The following NAA15 variants were observed in gnomAD, a reference collection of about 807,000 sequenced individuals.
The protein encoded by NAA15 is N-alpha-acetyltransferase 15, NatA auxiliary subunit, also known as N-terminal acetyltransferase.
In NAA15, 34 loss-of-function variants were observed where a neutral mutation model predicts 114.0. The observed-to-expected ratio is 0.30, with a 90% CI of 0.23 to 0.40. The LOEUF is 0.40. Ranked by LOEUF, NAA15 falls within the 10% of genes least tolerant of loss-of-function variation. The pLI is 1.00. For missense variants in NAA15, 658 were observed against 1,004.5 expected, an observed-to-expected ratio of 0.66 and a Z score of 4.66; for synonymous variants, 340 against 338.0, an observed-to-expected ratio of 1.01 and a Z score of -0.06.
At chr4:139,313,108 G>A (rs1024740723) in intron 1 of NAA15, among the ~76,000 whole-genome samples, 8 of 151,888 alleles carry the variant, frequency 5.3e-5, no homozygotes, top group Non-Finnish European at 1.0e-4. Flanking sequence ...AGTGGCATCT[G>A]TAAGAGTTGT....
At chr4:139,332,596 TTTTTG>T (rs1747057755) in intron 1 of NAA15, among the ~76,000 whole-genome samples, 1 of 139,720 alleles carries the variant, frequency 7.2e-6, no homozygotes, top group African/African-American at 2.7e-5. Flanking sequence ...TTTTTTTTTT[TTTTTG>T]AGACGGAGTC....
chr4:139,334,557 C>T (rs1361536169), intron 2 of NAA15, among the ~76,000 whole-genome samples: 1 of 152,138 alleles, frequency 6.6e-6, no homozygotes, highest in African/African-American at 2.4e-5. Context: ...AAATTGTATG[C>T]TTTATAATCT....
intron 1 of NAA15, chr4:139,302,314 CTT>C (rs1745816247): frequency 6.4e-6 from 1 of 156,122 alleles, no homozygotes; most frequent in Non-Finnish European, 1.4e-5. Flanking sequence ...TTCCTCCTCT[CTT>C]GGGATTCACC....
At chr4:139,304,003 C>T (rs1192471788) in intron 1 of NAA15, among the ~76,000 whole-genome samples, 3 of 152,122 alleles carry the variant, frequency 2.0e-5, no homozygotes, top group African/African-American at 4.8e-5. Flanking sequence ...CTGCAAGCTC[C>T]GCCTCCTGGG....
chr4:139,349,445 T>C lies in NAA15; in HGVS notation c.692-17T>C, dbSNP rs747939543. 20 of 1,529,360 alleles carry C rather than the reference T, an allele frequency of 1.3e-5. No individual in the cohort carries two copies. The highest frequency in any genetic ancestry group is 1.7e-5 in the Non-Finnish European group (20 of 1,144,802). The allele number at this position is 1,529,360 out of a possible 1,614,324, so 94.7% of individuals were successfully genotyped here. The stretch of plus-strand genomic sequence containing the variant: ...TTCTCAGATATTAAAATTTTTTTTT[T>C]TTCTGTTTTTAATCAGGGGAACTTC... On this transcript the variant is annotated splice_polypyrimidine_tract_variant and intron_variant, in intron 6 of 19. Transcript: ENST00000296543.
chr4:139,337,635 G>T (rs1747242010), intron 3 of NAA15, among the ~76,000 whole-genome samples: 1 of 152,210 alleles, frequency 6.6e-6, no homozygotes, highest in Non-Finnish European at 1.5e-5. Context: ...ATTGTGGGTT[G>T]CTATTTTTAA....
intron 1 of NAA15, 187 bp downstream of exon 1, chr4:139,302,018 AC>A (rs1745785574): frequency 5.6e-6 from 3 of 532,090 alleles, no homozygotes; most frequent in Non-Finnish European, 9.5e-6. Context: ...CGCGCCAGGG[AC>A]CACAGGCTTC....
intron 1 of NAA15, among the ~76,000 whole-genome samples, chr4:139,320,823 C>T (rs1276934286): frequency 6.6e-6 from 1 of 152,166 alleles, no homozygotes; most frequent in East Asian, 1.9e-4. Context: ...GTCTGGCCTC[C>T]CTGGTGTTTT....
rs528053985 is a variant in NAA15, at chr4:139,317,870, T to C, written c.54+16039T>C. Reference sequence around the variant, plus strand: ...ATATTTTATAGCTGTCTGTCAATCATGTGTGTAATCCTTGTTTTGCAGATT... The same window carrying C: ...ATATTTTATAGCTGTCTGTCAATCACGTGTGTAATCCTTGTTTTGCAGATT... On this transcript the variant is annotated intron_variant, in intron 1 of 19. Transcript: ENST00000296543. 1.2e-4 allele frequency among the ~76,000 whole-genome samples: 19 copies of C among 152,334 alleles called. 1 individual carries two copies. The South Asian group carries it at 3.9e-3, about 32-fold the overall frequency.
rs1454277717 is a variant in NAA15 at position 139,387,002 on chromosome 4, T to G, written c.2400+772T>G. Among the ~76,000 whole-genome samples, 11 of 152,182 alleles carry G rather than the reference T, an allele frequency of 7.2e-5. 1 individual carries two copies. In the South Asian group the frequency reaches 2.3e-3, roughly 31 times the overall value. ...ATAATTTGCCAGATAAACATGTATA[T>G]GCTGAAAGACAGTTATTAATAAATA... On this transcript the variant is annotated intron_variant, in intron 19 of 19. Transcript: ENST00000296543.
intron 17 of NAA15, among the ~76,000 whole-genome samples, chr4:139,384,162 G>T (rs902275672): frequency 6.6e-6 from 1 of 152,186 alleles, no homozygotes; most frequent in African/African-American, 2.4e-5. Flanking sequence ...ACATTAGATT[G>T]TTCTGCTGAC....
chr4:139,371,509 A>G (rs1221890027), intron 15 of NAA15, among the ~76,000 whole-genome samples: 10 of 131,290 alleles, frequency 7.6e-5, no homozygotes, highest in African/African-American at 4.0e-4. Flanking sequence ...ACACACACAC[A>G]CACACACACA....
chr4:139,341,217 A>G, intron 4 of NAA15, 148 bp downstream of exon 4: 6 of 551,800 alleles, frequency 1.1e-5, no homozygotes, highest in Non-Finnish European at 1.8e-5. Context: ...TATGTTTATG[A>G]TTGGAATAAT....
chr4:139,319,775 T>C (rs1746538696), intron 1 of NAA15, among the ~76,000 whole-genome samples: 1 of 152,226 alleles, frequency 6.6e-6, no homozygotes, highest in African/African-American at 2.4e-5. Context: ...TGCCATGATC[T>C]CATGATATGG....
chr4:139,339,403 A>G (rs984099739), intron 3 of NAA15, among the ~76,000 whole-genome samples: 1 of 152,164 alleles, frequency 6.6e-6, no homozygotes, highest in African/African-American at 2.4e-5. Context: ...AGGCTGGGGT[A>G]GAAGGATTGT....
intron 1 of NAA15, among the ~76,000 whole-genome samples, chr4:139,310,138 C>G (rs935413559): frequency 1.3e-5 from 2 of 152,084 alleles, no homozygotes; most frequent in African/African-American, 4.8e-5. Flanking sequence ...AGCATTGATT[C>G]AAATATATCT....
intron 7 of NAA15, among the ~76,000 whole-genome samples, chr4:139,350,588 A>G (rs1487870029): frequency 6.6e-6 from 1 of 152,218 alleles, no homozygotes; most frequent in Admixed American, 6.5e-5. Flanking sequence ...GCTAGTTGTG[A>G]GCCATTGAAA....
intron 1 of NAA15, among the ~76,000 whole-genome samples, chr4:139,304,482 C>T (rs150897163): frequency 5.9e-4 from 90 of 152,268 alleles, no homozygotes; most frequent in African/African-American, 2.1e-3. Context: ...CAGGATCCCG[C>T]GAGATTCCAA....
intron 1 of NAA15, among the ~76,000 whole-genome samples, chr4:139,322,120 G>A (rs184417120): frequency 1.6e-4 from 24 of 152,264 alleles, no homozygotes; most frequent in African/African-American, 5.8e-4. Context: ...AAGATGGGTT[G>A]ATATGGTTTG....
Sources: allele counts gnomAD v4.1 joint callset (sites outside exome capture counted in the v4.1 genomes callset), GRCh38; gene constraint gnomAD v4.1.1; transcripts MANE v1.5; gene names NCBI Gene and HGNC (gene_info 2026-07-23, HGNC 2026-07-21).